VGLL4: variants seen among roughly 807,000 people sequenced by gnomAD.
VGLL4 encodes the protein transcription cofactor vestigial-like protein 4.
A neutral mutation model predicts 21.0 loss-of-function variants in VGLL4; 7 were observed. The ratio of observed to expected loss-of-function variants is 0.33; its 90% confidence interval spans 0.19 to 0.63. The LOEUF (loss-of-function observed/expected upper bound fraction) is 0.63. VGLL4 is among the 20% of genes least tolerant of loss of function. The probability of loss-of-function intolerance (pLI) is 0.78; values close to 1 mark genes in which losing one functional copy is unlikely to be tolerated. For missense variants in VGLL4, 394 were observed against 425.7 expected, an observed-to-expected ratio of 0.93 and a Z score of 0.66; for synonymous variants, 222 against 173.2, an observed-to-expected ratio of 1.28 and a Z score of -2.21.
intron 1 of VGLL4, among the ~76,000 whole-genome samples, chr3:11,628,550 G>A (rs1357972065): frequency 6.6e-6 from 1 of 152,170 alleles, no homozygotes; most frequent in Non-Finnish European, 1.5e-5. Context: ...GCCGGGCGCG[G>A]TGGCTCACGC....
chr3:11,716,302 C>CAAA (rs554449676), intron 1 of VGLL4, among the ~76,000 whole-genome samples: 1 of 61,002 alleles, frequency 1.6e-5, no homozygotes, highest in East Asian at 4.4e-4. Flanking sequence ...AACTCTGTCT[C>CAAA]AAAAAAAAAA....
At chr3:11,602,260 T>C (rs549007849) in intron 1 of VGLL4, among the ~76,000 whole-genome samples, 1 of 152,226 alleles carries the variant, frequency 6.6e-6, no homozygotes, top group East Asian at 1.9e-4. Flanking sequence ...GGGTAGAGTT[T>C]AAAATAAAAA....
chr3:11,593,588 A>G (rs933181308), intron 2 of VGLL4, among the ~76,000 whole-genome samples: 8 of 152,222 alleles, frequency 5.3e-5, no homozygotes, highest in Non-Finnish European at 1.0e-4. Context: ...AAACAAAACA[A>G]AACACCAGAT....
intron 2 of VGLL4, among the ~76,000 whole-genome samples, chr3:11,574,265 C>G (rs928132353): frequency 1.3e-5 from 2 of 152,204 alleles, no homozygotes; most frequent in African/African-American, 4.8e-5. Flanking sequence ...ACCCATGTTT[C>G]TTCTGCTTTA....
chr3:11,576,537 C>T (rs558797776), intron 2 of VGLL4, among the ~76,000 whole-genome samples: 7 of 152,342 alleles, frequency 4.6e-5, no homozygotes, highest in South Asian at 2.1e-4. Context: ...CTGGGAGACA[C>T]GGCGATCTCT....
intron 1 of VGLL4, among the ~76,000 whole-genome samples, chr3:11,624,429 G>C (rs1025233225): frequency 6.6e-6 from 1 of 152,096 alleles, no homozygotes; most frequent in Non-Finnish European, 1.5e-5. Context: ...GATTTAGGCC[G>C]TCCTGGTTAC....
chr3:11,581,081 A>ATTTTT (rs1559877167), intron 2 of VGLL4, among the ~76,000 whole-genome samples: 2 of 114,732 alleles, frequency 1.7e-5, no homozygotes, highest in Non-Finnish European at 3.4e-5. Flanking sequence ...TTTTTTTTAA[A>ATTTTT]AAAAAAGATA....
At chr3:11,627,934 C>T (rs2075389439) in intron 1 of VGLL4, among the ~76,000 whole-genome samples, 1 of 152,144 alleles carries the variant, frequency 6.6e-6, no homozygotes, top group Admixed American at 6.5e-5. Flanking sequence ...AATTCTGCTG[C>T]TCTAGTGCAT....
intron 2 of VGLL4, among the ~76,000 whole-genome samples, chr3:11,695,482 A>T (rs1020251833): frequency 2.0e-5 from 3 of 152,166 alleles, no homozygotes; most frequent in South Asian, 2.1e-4. Context: ...TATATATATA[A>T]AACATGTACC....
At chr3:11,585,370 T>C (rs750030767) in intron 2 of VGLL4, among the ~76,000 whole-genome samples, 2 of 151,128 alleles carry the variant, frequency 1.3e-5, no homozygotes, top group Non-Finnish European at 2.9e-5. Context: ...GAGGCAGAGG[T>C]TGCAGTGCAC....
intron 2 of VGLL4, among the ~76,000 whole-genome samples, chr3:11,566,199 CACACACACTGAATGTT>C (rs1235319048): frequency 6.6e-6 from 1 of 152,068 alleles, no homozygotes; most frequent in African/African-American, 2.4e-5. Flanking sequence ...CAGAATGTTA[CACACACACTGAATGTT>C]ACACACACGC....
Position 11,564,912 on chromosome 3 carries a change from T to C in VGLL4, c.380A>G (p.Tyr127Cys). 2.5e-6 allele frequency: 4 copies of C among 1,600,656 alleles called. No individual in the cohort carries two copies. The highest frequency in any genetic ancestry group is 3.4e-6 in the Non-Finnish European group (4 of 1,174,022). The change falls in exon 3 of 5, where the codon TAC becomes TGC. Residue 127 changes from tyrosine (Y) to cysteine (C), a missense_variant. Tyr to Cys is a radical substitution (Grantham distance 194, BLOSUM62 -2). Coordinates refer to ENST00000430365, the MANE Select transcript of VGLL4 (RefSeq NM_001128219.3). ...PTMSLHGSHLYTSLPSLGLEQ... is the reference protein window; with the variant it reads ...PTMSLHGSHLCTSLPSLGLEQ... ...CAGGCCAAGGCTGGGGAGGGAGGTG[T>C]ACAGGTGGCTGCCGTGCAGGCTCAT...
chr3:11,721,018 A>G (rs1043233418), upstream of VGLL4, among the ~76,000 whole-genome samples: 5 of 152,168 alleles, frequency 3.3e-5, no homozygotes, highest in African/African-American at 1.2e-4. Flanking sequence ...TAACTTCATA[A>G]AATAAATAGA....
chr3:11,562,830 T>C (rs1341822629), intron 3 of VGLL4, among the ~76,000 whole-genome samples: 1 of 152,248 alleles, frequency 6.6e-6, no homozygotes, highest in African/African-American at 2.4e-5. Context: ...GGCCCCTGGC[T>C]TTGTCCTCAG....
intron 2 of VGLL4, among the ~76,000 whole-genome samples, chr3:11,601,548 G>A (rs928525321): frequency 1.3e-5 from 2 of 152,146 alleles, no homozygotes; most frequent in African/African-American, 4.8e-5. Flanking sequence ...ATGACTACTC[G>A]ACTGCTCGCA....
intron 1 of VGLL4, among the ~76,000 whole-genome samples, chr3:11,704,283 T>TCAGG (rs1226556701): frequency 6.8e-6 from 1 of 146,408 alleles, no homozygotes; most frequent in Non-Finnish European, 1.5e-5. Flanking sequence ...CTCAAGAGGC[T>TCAGG]CAGGCAGGAA....
In VGLL4 at chr3:11,605,074, C is replaced by A. The variant is rs1171471891; in HGVS notation, c.83-3052G>T. Among the ~76,000 whole-genome samples, 3 of 68,098 alleles carry A rather than the reference C, an allele frequency of 4.4e-5. No homozygotes were observed. The Admixed American group carries it at 4.6e-4, about 10-fold the overall frequency. 44.7% of individuals were successfully genotyped at this position (68,098 alleles called of 152,430 possible). On this transcript the variant is annotated intron_variant, in intron 1 of 4. Transcript: ENST00000430365. ...CGCCCACCCCCAATCCTCCACAGCT[C>A]TGTGAATTCCATCTTCCAAAGCGCC...
At chr3:11,579,113 A>C (rs2074150100) in intron 2 of VGLL4, among the ~76,000 whole-genome samples, 1 of 150,648 alleles carries the variant, frequency 6.6e-6, no homozygotes, top group Admixed American at 6.6e-5. Flanking sequence ...CCAATCATGT[A>C]GTGTGTTAAT....
intron 2 of VGLL4, among the ~76,000 whole-genome samples, chr3:11,677,486 G>A (rs1318452152): frequency 6.6e-6 from 1 of 152,000 alleles, no homozygotes; most frequent in South Asian, 2.1e-4. Context: ...TGTTGCCCAT[G>A]GTGGTCTCAA....
Sources: gnomAD v4.1 joint callset for allele counts (sites outside exome capture counted in the v4.1 genomes callset) on GRCh38, gnomAD v4.1.1 for gene constraint, MANE v1.5 for transcripts, NCBI Gene and HGNC (gene_info 2026-07-23, HGNC 2026-07-21) for gene names.